PTP4A1: variants seen among roughly 807,000 people sequenced by gnomAD.
The protein encoded by PTP4A1 is protein tyrosine phosphatase 4A1.
In PTP4A1, 9 loss-of-function variants were observed where a neutral mutation model predicts 20.5. That is an observed-to-expected ratio of 0.44 (90% CI 0.26 to 0.77). The LOEUF (loss-of-function observed/expected upper bound fraction) is 0.77. Among genes scored for constraint, PTP4A1 ranks in the 30% least tolerant of loss-of-function variants. The pLI is 0.19. For synonymous variants in PTP4A1, 78 were observed against 67.4 expected (o/e 1.16, Z -0.77); for missense variants, 137 against 218.8 (o/e 0.63, Z 2.36).
chr6:63,572,245 C>T (rs563841715), upstream of PTP4A1: 109 of 171,668 alleles, frequency 6.3e-4, no homozygotes, highest in African/African-American at 2.0e-3. Context: ...CTTCCTGCAT[C>T]CCGGAGCACT....
intron 2 of PTP4A1, among the ~76,000 whole-genome samples, chr6:63,529,630 G>C (rs1393631518): frequency 6.6e-6 from 1 of 152,134 alleles, no homozygotes; most frequent in Non-Finnish European, 1.5e-5. Context: ...TCTCTCAAAA[G>C]CTTGGTTTGA....
intron 2 of PTP4A1, among the ~76,000 whole-genome samples, chr6:63,547,649 G>T (rs1338953718): frequency 6.6e-6 from 1 of 151,312 alleles, no homozygotes; most frequent in East Asian, 2.0e-4. Flanking sequence ...GGGACTACAG[G>T]TGCCCACCAC....
intron 3 of PTP4A1, among the ~76,000 whole-genome samples, chr6:63,559,395 A>C (rs1257664566): frequency 2.6e-5 from 4 of 152,172 alleles, no homozygotes; most frequent in Non-Finnish European, 5.9e-5. Flanking sequence ...TTTCACAGTG[A>C]ACACTAAATA....
At chr6:63,523,198 T>A (rs2149472282) in intron 1 of PTP4A1, among the ~76,000 whole-genome samples, 1 of 152,202 alleles carries the variant, frequency 6.6e-6, no homozygotes, top group East Asian at 1.9e-4. Flanking sequence ...TACATCACTC[T>A]TACGAGTCAT....
intron 3 of PTP4A1, among the ~76,000 whole-genome samples, chr6:63,560,353 A>G (rs938933574): frequency 6.6e-6 from 1 of 151,110 alleles, no homozygotes; most frequent in African/African-American, 2.4e-5. Flanking sequence ...AAAAAAAAAA[A>G]AAAAGAAAGA....
chr6:63,569,589 T>C (rs969115625), upstream of PTP4A1, among the ~76,000 whole-genome samples: 1 of 152,240 alleles, frequency 6.6e-6, no homozygotes, highest in African/African-American at 2.4e-5. Context: ...AATATTCTTC[T>C]AGTCTTATTT....
In PTP4A1 at chr6:63,581,690, T is replaced by C. The variant is rs1778241164; in HGVS notation, c.*1516T>C. On this transcript the variant is annotated 3_prime_UTR_variant, in exon 6 of 6. Coordinates refer to ENST00000626021, the MANE Select transcript of PTP4A1 (RefSeq NM_003463.5). ...TAGATAATTTTGAACCAATTTATTA[T>C]TGTGTACTGAGGAGAAATAATGTAT... The C allele has an allele frequency of 6.6e-6, 1 of 152,180 alleles. No homozygotes were observed. 9.4% of individuals were successfully genotyped at this position (152,180 alleles called of 1,614,324 possible).
At chr6:63,578,660 T>G in intron 3 of PTP4A1, 131 bp downstream of exon 3, 2 of 1,326,090 alleles carry the variant, frequency 1.5e-6, no homozygotes, top group South Asian at 3.1e-5. Flanking sequence ...ATTATATTAT[T>G]GTGCAGAATC....
chr6:63,538,938 G>C (rs889009727), intron 2 of PTP4A1, among the ~76,000 whole-genome samples: 3 of 152,218 alleles, frequency 2.0e-5, no homozygotes, highest in Non-Finnish European at 2.9e-5. Flanking sequence ...TGTCACCCAG[G>C]CTGCAGTGCA....
upstream of PTP4A1, among the ~76,000 whole-genome samples, chr6:63,567,608 G>A (rs1777245819): frequency 6.6e-6 from 1 of 152,110 alleles, no homozygotes; most frequent in African/African-American, 2.4e-5. Context: ...AATTTTTAAG[G>A]GTCCTAGGAT....
At chr6:63,543,953 A>T (rs974265390) in intron 2 of PTP4A1, among the ~76,000 whole-genome samples, 2 of 152,240 alleles carry the variant, frequency 1.3e-5, no homozygotes, top group Admixed American at 6.5e-5. Flanking sequence ...GTTTTTTTAC[A>T]GATATAAAGA....
rs577136305 is a variant in PTP4A1, at chr6:63,535,253, C to T, written c.-640+7169C>T. 1.3e-4 allele frequency among the ~76,000 whole-genome samples: 20 copies of T among 151,984 alleles called. No individual in the cohort carries two copies. The South Asian group carries it at 2.5e-3, about 19-fold the overall frequency. On this transcript the variant is annotated intron_variant, in intron 2 of 3. Transcript: ENST00000639568. Reference sequence around the variant, plus strand: ...GCCAAGGAGGGCAAATCACTTGAGGCCAGGAGTTTGAGACTAGCCTGGCCA... The same window carrying T: ...GCCAAGGAGGGCAAATCACTTGAGGTCAGGAGTTTGAGACTAGCCTGGCCA...
At chr6:63,554,670 C>T (rs1776598805) in intron 3 of PTP4A1, among the ~76,000 whole-genome samples, 1 of 152,014 alleles carries the variant, frequency 6.6e-6, no homozygotes, top group South Asian at 2.1e-4. Flanking sequence ...GCATGTAGTC[C>T]CAGCTACTGG....
At chr6:63,564,384 A>G (rs1416863303) in intron 3 of PTP4A1, among the ~76,000 whole-genome samples, 1 of 152,250 alleles carries the variant, frequency 6.6e-6, no homozygotes, top group Non-Finnish European at 1.5e-5. Context: ...GAAGATAGCA[A>G]CGTTTGTTGA....
At position 63,578,546 on chromosome 6, in the gene PTP4A1, T is replaced by C; in HGVS notation, c.198+17T>C. On this transcript the variant is annotated intron_variant, in intron 3 of 5. Coordinates refer to ENST00000626021, the MANE Select transcript of PTP4A1 (RefSeq NM_003463.5). ...CATGTTCTTGTAAGTATTTAACAGT[T>C]CTTATGGGTTTATGGTGCTGTGCTA... 1 of 1,607,058 alleles carries C rather than the reference T, an allele frequency of 6.2e-7. No individual in the cohort carries two copies. Among genetic ancestry groups the C allele is most frequent in the Non-Finnish European group, 8.5e-7 (1 of 1,178,098 alleles).
At chr6:63,537,586 T>C (rs913288065) in intron 2 of PTP4A1, among the ~76,000 whole-genome samples, 1 of 152,226 alleles carries the variant, frequency 6.6e-6, no homozygotes, top group Non-Finnish European at 1.5e-5. Context: ...CCTCACTCAA[T>C]GAATTAGTTG....
At chr6:63,550,739 A>G (rs1292642274) in intron 3 of PTP4A1, among the ~76,000 whole-genome samples, 1 of 151,052 alleles carries the variant, frequency 6.6e-6, no homozygotes, top group Non-Finnish European at 1.5e-5. Context: ...ATTCTCCCAG[A>G]CCCAGCCTCT....
chr6:63,567,306 C>T (rs777589468), intron 3 of PTP4A1, among the ~76,000 whole-genome samples: 1 of 152,156 alleles, frequency 6.6e-6, no homozygotes. Context: ...ATGAAATGTA[C>T]TTGTTAAATA....
At chr6:63,578,392 G>A in intron 2 of PTP4A1, 45 bp from the exon 3 acceptor site, 1 of 1,573,388 alleles carries the variant, frequency 6.4e-7, no homozygotes, top group Non-Finnish European at 8.6e-7. Context: ...GAGTTATAGT[G>A]ATGTGGTTAA....
Sources: allele counts gnomAD v4.1 joint callset (sites outside exome capture counted in the v4.1 genomes callset), GRCh38; gene constraint gnomAD v4.1.1; transcripts MANE v1.5; gene names NCBI Gene and HGNC (gene_info 2026-07-23, HGNC 2026-07-21).